The following EGFLAM variants were observed in gnomAD, a reference collection of about 807,000 sequenced individuals.
EGFLAM encodes the protein pikachurin.
Under a neutral mutation model 113.1 loss-of-function variants are expected in EGFLAM, and 79 were observed. That is an observed-to-expected ratio of 0.70 (90% CI 0.58 to 0.84). The LOEUF (loss-of-function observed/expected upper bound fraction) is 0.84. Ranked by LOEUF, EGFLAM falls within the 40% of genes least tolerant of loss-of-function variation. The probability of loss-of-function intolerance (pLI) is 0.00; values close to 1 mark genes in which losing one functional copy is unlikely to be tolerated. For synonymous variants in EGFLAM, 504 were observed against 487.6 expected (o/e 1.03, Z -0.44); for missense variants, 1,265 against 1,291.6 (o/e 0.98, Z 0.32).
intron 6 of EGFLAM, among the ~76,000 whole-genome samples, chr5:38,391,384 T>TTGTGTG (rs758900897): frequency 0.055 from 5,402 of 97,948 alleles, 118 homozygotes; most frequent in Non-Finnish European, 0.062. Context: ...TTTCTTTTCT[T>TTGTGTG]TGTGTGTGTG....
chr5:38,399,566 C>T (rs1741051284), intron 6 of EGFLAM, among the ~76,000 whole-genome samples: 1 of 152,180 alleles, frequency 6.6e-6, no homozygotes, highest in African/African-American at 2.4e-5. Flanking sequence ...GTGTGAGCCA[C>T]TGCACCCGGC....
intron 10 of EGFLAM, among the ~76,000 whole-genome samples, chr5:38,412,149 A>G (rs1741501677): frequency 6.6e-6 from 1 of 152,170 alleles, no homozygotes. Flanking sequence ...CAGATTTGCT[A>G]TGTGGGAATA....
chr5:38,358,506 C>A (rs1265220634), intron 5 of EGFLAM, among the ~76,000 whole-genome samples: 4 of 147,830 alleles, frequency 2.7e-5, no homozygotes, highest in Non-Finnish European at 6.0e-5. Flanking sequence ...GGTATGCTGA[C>A]TACTTATTTG....
intron 6 of EGFLAM, among the ~76,000 whole-genome samples, chr5:38,373,264 T>A (rs536010129): frequency 1.3e-3 from 194 of 152,306 alleles, no homozygotes; most frequent in Non-Finnish European, 2.1e-3. Context: ...GCAAGGTTGA[T>A]CATTGTAAAG....
chr5:38,294,022 A>G (rs537372085), intron 1 of EGFLAM, among the ~76,000 whole-genome samples: 59 of 152,280 alleles, frequency 3.9e-4, no homozygotes, highest in Non-Finnish European at 6.9e-4. Flanking sequence ...GGAAAACCAC[A>G]CCAAAACTCA....
intron 6 of EGFLAM, among the ~76,000 whole-genome samples, chr5:38,404,944 A>G (rs1319226556): frequency 6.6e-6 from 1 of 152,200 alleles, no homozygotes; most frequent in African/African-American, 2.4e-5. Flanking sequence ...TGACAGTTGA[A>G]TAAAAATGCC....
intron 2 of EGFLAM, 60 bp from the exon 3 acceptor site, chr5:38,338,638 A>G: frequency 6.5e-7 from 1 of 1,533,018 alleles, no homozygotes; most frequent in Non-Finnish European, 9.0e-7. Flanking sequence ...TGCAATTACA[A>G]CCTTTGATCT....
intron 1 of EGFLAM, among the ~76,000 whole-genome samples, chr5:38,301,519 G>A (rs907637738): frequency 6.6e-6 from 1 of 152,072 alleles, no homozygotes; most frequent in African/African-American, 2.4e-5. Context: ...CTTGGTTGCT[G>A]GAAAGAGGAT....
At chr5:38,437,411 G>A (rs1742383905) in intron 16 of EGFLAM, among the ~76,000 whole-genome samples, 1 of 152,156 alleles carries the variant, frequency 6.6e-6, no homozygotes, top group Non-Finnish European at 1.5e-5. Flanking sequence ...ACACTAGGAA[G>A]TGTCTCTGGA....
chr5:38,263,744 A>C (rs183533645), intron 1 of EGFLAM, among the ~76,000 whole-genome samples: 2 of 152,260 alleles, frequency 1.3e-5, no homozygotes, highest in African/African-American at 4.8e-5. Context: ...TTATTGCAGA[A>C]GTTTTTTAGG....
intron 1 of EGFLAM, among the ~76,000 whole-genome samples, chr5:38,310,217 G>T (rs1381002646): frequency 6.6e-6 from 1 of 152,098 alleles, no homozygotes; most frequent in African/African-American, 2.4e-5. Flanking sequence ...TTTATTTATT[G>T]TAAGCCACTG....
At chr5:38,278,816 G>A (rs12656087) in intron 1 of EGFLAM, among the ~76,000 whole-genome samples, 62,671 of 150,940 alleles carry the variant, frequency 0.42, 13,477 homozygotes, top group Middle Eastern at 0.58. Flanking sequence ...TTTTTTTGAT[G>A]TAATTTTTGG....
At chr5:38,380,297 A>G (rs1740476144) in intron 6 of EGFLAM, among the ~76,000 whole-genome samples, 1 of 152,224 alleles carries the variant, frequency 6.6e-6, no homozygotes, top group Non-Finnish European at 1.5e-5. Flanking sequence ...CAAGCTTTTA[A>G]GGAATCAATT....
intron 5 of EGFLAM, among the ~76,000 whole-genome samples, chr5:38,365,719 T>C (rs573627668): frequency 4.8e-4 from 73 of 152,334 alleles, no homozygotes; most frequent in African/African-American, 1.7e-3. Flanking sequence ...AAGCTAAGTA[T>C]TTTTTCTTGA....
intron 5 of EGFLAM, among the ~76,000 whole-genome samples, chr5:38,368,956 G>A (rs751483762): frequency 2.0e-5 from 3 of 152,202 alleles, no homozygotes; most frequent in Non-Finnish European, 4.4e-5. Context: ...GTGCTTGGTA[G>A]ATGGAAAGCC....
At position 38,285,140 on chromosome 5, in the gene EGFLAM, T is replaced by C. The variant is rs190235016; in HGVS notation, c.97+26289T>C. On this transcript the variant is annotated intron_variant, in intron 1 of 21. Coordinates refer to ENST00000322350, the MANE Select transcript of EGFLAM (RefSeq NM_152403.4). ...ATATTTTTTCACTTCAAAATAGCAA[T>C]GGGAACTTTTTTAAAAAAATGAGAG... 7.9e-5 allele frequency among the ~76,000 whole-genome samples: 12 copies of C among 152,268 alleles called. No individual in the cohort carries two copies. In the East Asian group the frequency reaches 2.1e-3, roughly 27 times the overall value.
At position 38,337,374 on chromosome 5, in the gene EGFLAM, T is replaced by C. The variant is rs1270851856; in HGVS notation, c.98-146T>C. ...TGAGTGAGGTCAGCTGAGATAGGTGTGGTGTATCAGAAATTGACTGCATTT... is the reference window on the plus strand; with the variant it reads ...TGAGTGAGGTCAGCTGAGATAGGTGCGGTGTATCAGAAATTGACTGCATTT... On this transcript the variant is annotated intron_variant, in intron 1 of 21. Coordinates refer to ENST00000322350, the MANE Select transcript of EGFLAM (RefSeq NM_152403.4). 9.6e-6 allele frequency: 7 copies of C among 731,352 alleles called. No individual in the cohort carries two copies. In the East Asian group the frequency reaches 2.0e-4, roughly 21 times the overall value. 45.3% of individuals were successfully genotyped at this position (731,352 alleles called of 1,614,324 possible).
At position 38,448,294 on chromosome 5, in the gene EGFLAM, G is replaced by A; in HGVS notation, c.2465-7G>A. The A allele has an allele frequency of 1.2e-6, 2 of 1,614,082 alleles. No homozygotes were observed. The highest frequency in any genetic ancestry group is 8.5e-7 in the Non-Finnish European group (1 of 1,180,010). Reference sequence around the variant, plus strand: ...CTATGTAACCTCCTTTTTCTGTTCTGTCCCAGCGATCATAGAAGCCATTGA... The same window carrying A: ...CTATGTAACCTCCTTTTTCTGTTCTATCCCAGCGATCATAGAAGCCATTGA... On this transcript the variant is annotated splice_polypyrimidine_tract_variant and splice_region_variant and intron_variant, in intron 17 of 21. Transcript: ENST00000322350.
chr5:38,277,767 A>T (rs1198776857), intron 1 of EGFLAM, among the ~76,000 whole-genome samples: 1 of 123,156 alleles, frequency 8.1e-6, no homozygotes, highest in African/African-American at 2.8e-5. Flanking sequence ...TGTCTGAAAA[A>T]GTCAAAAAAA....
Sources: allele counts gnomAD v4.1 joint callset (sites outside exome capture counted in the v4.1 genomes callset), GRCh38; gene constraint gnomAD v4.1.1; transcripts MANE v1.5; gene names NCBI Gene and HGNC (gene_info 2026-07-23, HGNC 2026-07-21).